The following PRRC2B variants were observed in gnomAD, a reference collection of about 807,000 sequenced individuals.
The protein encoded by PRRC2B is protein PRRC2B.
In PRRC2B, 68 loss-of-function variants were observed where a neutral mutation model predicts 242.3. The observed-to-expected ratio is 0.28, with a 90% CI of 0.23 to 0.34. The LOEUF is 0.34. PRRC2B is among the 10% of genes least tolerant of loss of function. The pLI is 1.00. For synonymous variants in PRRC2B, 1,228 were observed against 1,173.6 expected, an observed-to-expected ratio of 1.05 and a Z score of -0.95; for missense variants, 2,835 against 2,954.8, an observed-to-expected ratio of 0.96 and a Z score of 0.94.
intron 1 of PRRC2B, among the ~76,000 whole-genome samples, chr9:131,422,833 G>A (rs576326479): frequency 3.2e-4 from 48 of 152,258 alleles, no homozygotes; most frequent in African/African-American, 6.5e-4. Context: ...TATGCAACCT[G>A]GATTCTTTTT....
At chr9:131,452,696 A>G (rs1391030870) in intron 9 of PRRC2B, among the ~76,000 whole-genome samples, 1 of 152,124 alleles carries the variant, frequency 6.6e-6, no homozygotes, top group Admixed American at 6.5e-5. Flanking sequence ...TGTTTTCTGT[A>G]TCTATTTTAA....
At chr9:131,461,413 T>C (rs779984364) in intron 11 of PRRC2B, among the ~76,000 whole-genome samples, 3 of 152,180 alleles carry the variant, frequency 2.0e-5, no homozygotes, top group Non-Finnish European at 4.4e-5. Flanking sequence ...GGCACCAGGC[T>C]CCTGGCTTGC....
chr9:131,391,894 C>T (rs576569952), upstream of PRRC2B, among the ~76,000 whole-genome samples: 3 of 152,048 alleles, frequency 2.0e-5, no homozygotes, highest in Admixed American at 6.5e-5. Flanking sequence ...GACCCCACCA[C>T]CATGCCCGGC....
In PRRC2B at chr9:131,455,249, T is replaced by C. The variant is rs995680302; in HGVS notation, c.1211+83T>C. 6.3e-6 allele frequency: 6 copies of C among 946,156 alleles called. No homozygotes were observed. In the African/African-American group the frequency reaches 9.9e-5, roughly 16 times the overall value. 58.6% of individuals were successfully genotyped at this position (946,156 alleles called of 1,614,324 possible). On this transcript the variant is annotated intron_variant, in intron 10 of 31. Transcript: ENST00000683519. ...TACCCAGAGCATTTCCCAGTTTCCA[T>C]AGCAACCTGGAATGGCAGACAGATG...
chr9:131,481,373 A>G (rs1239247241), intron 19 of PRRC2B, among the ~76,000 whole-genome samples: 1 of 151,992 alleles, frequency 6.6e-6, no homozygotes, highest in Non-Finnish European at 1.5e-5. Context: ...GAAGCTACCA[A>G]CTTTTAGAAA....
chr9:131,412,655 G>A (rs1329150130), intron 1 of PRRC2B, among the ~76,000 whole-genome samples: 3 of 152,192 alleles, frequency 2.0e-5, no homozygotes, highest in Non-Finnish European at 4.4e-5. Context: ...CAAATTAACC[G>A]CTGGATTCCC....
intron 1 of PRRC2B, among the ~76,000 whole-genome samples, chr9:131,401,211 AT>A: frequency 6.6e-6 from 1 of 152,046 alleles, no homozygotes; most frequent in East Asian, 1.9e-4. Context: ...AAAATTTACC[AT>A]TTTTAAGTGT....
chr9:131,400,033 T>C (rs969489962), intron 1 of PRRC2B, among the ~76,000 whole-genome samples: 2 of 152,284 alleles, frequency 1.3e-5, no homozygotes, highest in African/African-American at 4.8e-5. Context: ...GGTTGTCTCC[T>C]TCAGTCTTTG....
chr9:131,453,735 G>A (rs1206125105), intron 9 of PRRC2B, among the ~76,000 whole-genome samples: 1 of 152,156 alleles, frequency 6.6e-6, no homozygotes, highest in East Asian at 1.9e-4. Context: ...GTTTCGCCAT[G>A]TTGCCCAGGC....
At chr9:131,439,097 TG>T in intron 5 of PRRC2B, 36 bp downstream of exon 5, 1 of 1,584,458 alleles carries the variant, frequency 6.3e-7, no homozygotes, top group Non-Finnish European at 8.7e-7. Context: ...TTGGGGACGC[TG>T]GGGAGAGGGA....
chr9:131,475,800 C>A lies in PRRC2B; in HGVS notation c.3671C>A (p.Ser1224Ter). 6.2e-7 allele frequency: 1 copy of A among 1,613,056 alleles called. No individual in the cohort carries two copies. The change falls in exon 16 of 32, where the codon TCA becomes TAA. Residue 1224 changes from serine (S) to a stop codon, truncating the protein, a stop_gained. Coordinates refer to ENST00000683519, the MANE Select transcript of PRRC2B (RefSeq NM_013318.4). LOFTEE classifies it high-confidence loss of function. ...CGGAGAACCTTCGTCTCCAAAGAGT[C>A]ACCCCACTGGCAGAGCAAAAGTCCA... ...YGRRTFVSKE[S>*]PHWQSKSPGS...
chr9:131,495,628 T>A, intron 31 of PRRC2B, 112 bp from the exon 32 acceptor site: 1 of 1,271,780 alleles, frequency 7.9e-7, no homozygotes, highest in Non-Finnish European at 1.1e-6. Flanking sequence ...GACTGACAAC[T>A]TAGGGGAGCT....
Position 131,482,553 on chromosome 9 carries a change from T to A in PRRC2B, c.5166T>A (p.Ser1722=), listed in dbSNP as rs1381673106. Residue 1722 remains serine (S), a synonymous_variant, in exon 21 of 32, where the codon TCT becomes TCA. Transcript: ENST00000683519. The surrounding 1 kb of genome is among the most constrained non-coding windows in gnomAD (Gnocchi z 5.2). ...DSHKEQAPKP[S]EQKDSEQGSG... The stretch of plus-strand genomic sequence containing the variant: ...ACAAGGAGCAGGCTCCAAAGCCATC[T>A]GAGCAGAAGGTAACCTGGACGTTCC... The A allele has an allele frequency of 6.3e-7, 1 of 1,595,694 alleles. No individual in the cohort carries two copies. The highest frequency in any genetic ancestry group is 8.6e-7 in the Non-Finnish European group (1 of 1,167,952).
chr9:131,458,265 C>T (rs563841084), intron 10 of PRRC2B, among the ~76,000 whole-genome samples: 13 of 152,214 alleles, frequency 8.5e-5, no homozygotes, highest in East Asian at 5.8e-4. Context: ...CAAAAGGAGA[C>T]GGACACGCAC....
chr9:131,464,878 G>A lies in PRRC2B; in HGVS notation c.1520G>A (p.Arg507Gln), dbSNP rs1157272935. 1.2e-6 allele frequency: 2 copies of A among 1,613,504 alleles called. No homozygotes were observed. Among genetic ancestry groups the A allele is most frequent in the South Asian group, 1.1e-5 (1 of 91,034 alleles). Residue 507 changes from arginine (R) to glutamine (Q), a missense_variant, in exon 12 of 32, where the codon CGA (arginine) becomes CAA (glutamine). Physicochemically the swap from Arg to Gln is conservative, Grantham distance 43. Around this residue, in one of 7 missense-constraint regions of PRRC2B, gnomAD observed 626 missense variants for 685.5 expected, o/e 0.91. Coordinates refer to ENST00000683519, the MANE Select transcript of PRRC2B (RefSeq NM_013318.4). ...SEMSEAVERA[R>Q]KRREEEERRA... Reference sequence around the variant, plus strand: ...ATGTCCGAGGCGGTGGAGCGAGCCCGAAAGCGCCGGGAAGAAGAGGAGCGC... The same window carrying A: ...ATGTCCGAGGCGGTGGAGCGAGCCCAAAAGCGCCGGGAAGAAGAGGAGCGC...
chr9:131,422,275 G>C (rs964582788), intron 1 of PRRC2B, among the ~76,000 whole-genome samples: 1 of 152,022 alleles, frequency 6.6e-6, no homozygotes, highest in Non-Finnish European at 1.5e-5. Context: ...GCATGGTCTC[G>C]ATCTCTTGAC....
At chr9:131,434,737 G>GGGGT (rs1838289794) in intron 3 of PRRC2B, among the ~76,000 whole-genome samples, 1 of 152,150 alleles carries the variant, frequency 6.6e-6, no homozygotes, top group Non-Finnish European at 1.5e-5. Context: ...TCCCACCAGG[G>GGGGT]GGGTGGCTGC....
chr9:131,422,040 TTC>T (rs1837856658), intron 1 of PRRC2B, among the ~76,000 whole-genome samples: 1 of 152,112 alleles, frequency 6.6e-6, no homozygotes, highest in Non-Finnish European at 1.5e-5. Flanking sequence ...TTTCTTTTCT[TTC>T]TTTCTTTTTT....
intron 1 of PRRC2B, among the ~76,000 whole-genome samples, chr9:131,383,073 C>A (rs1162639252): frequency 6.6e-6 from 1 of 152,154 alleles, no homozygotes; most frequent in Non-Finnish European, 1.5e-5. Flanking sequence ...TCATGCTGGT[C>A]CCTCCATCTG....
Sources: allele counts gnomAD v4.1 joint callset (sites outside exome capture counted in the v4.1 genomes callset), GRCh38; gene constraint gnomAD v4.1.1; regional missense constraint gnomAD v4.1.1; non-coding constraint Gnocchi (gnomAD v3.1); transcripts MANE v1.5; gene names NCBI Gene and HGNC (gene_info 2026-07-23, HGNC 2026-07-21).